Variants in NOL4 observed in about 807,000 individuals in gnomAD.
The protein encoded by NOL4 is nucleolar protein 4.
In NOL4, 17 loss-of-function variants were observed where a neutral mutation model predicts 75.9. That is an observed-to-expected ratio of 0.22 (90% CI 0.15 to 0.34). The LOEUF (loss-of-function observed/expected upper bound fraction) is 0.34, where lower values mean the gene tolerates loss of function less well. NOL4 is among the 10% of genes least tolerant of loss of function. NOL4 has a pLI of 1.00. For synonymous variants in NOL4, 292 were observed against 289.9 expected (o/e 1.01, Z -0.07); for missense variants, 614 against 793.5 (o/e 0.77, Z 2.72).
intron 7 of NOL4, 60 bp downstream of exon 7, chr18:33,958,179 C>T: frequency 7.1e-7 from 1 of 1,402,176 alleles, no homozygotes; most frequent in Non-Finnish European, 9.8e-7. Context: ...TACCAACAAG[C>T]AACAACATGA....
At chr18:33,983,605 CAT>C (rs969822580) in intron 6 of NOL4, among the ~76,000 whole-genome samples, 1 of 151,622 alleles carries the variant, frequency 6.6e-6, no homozygotes, top group African/African-American at 2.4e-5. Context: ...TGCATACACA[CAT>C]ATATGCACAC....
chr18:33,857,948 T>TG (rs1468619788), intron 10 of NOL4, among the ~76,000 whole-genome samples: 1 of 152,092 alleles, frequency 6.6e-6, no homozygotes, highest in African/African-American at 2.4e-5. Flanking sequence ...CACCTATAGG[T>TG]GTTCCACACT....
intron 6 of NOL4, among the ~76,000 whole-genome samples, chr18:33,988,524 T>C (rs1020593921): frequency 6.6e-6 from 1 of 152,058 alleles, no homozygotes; most frequent in African/African-American, 2.4e-5. Flanking sequence ...ATAGTTACTC[T>C]CCTCATGGGC....
intron 8 of NOL4, among the ~76,000 whole-genome samples, chr18:33,953,119 C>A (rs983496450): frequency 1.3e-5 from 2 of 151,498 alleles, no homozygotes; most frequent in Non-Finnish European, 2.9e-5. Flanking sequence ...GGGAAAGCCA[C>A]TTTAAAATCT....
At chr18:34,044,895 C>A (rs2144859887) in intron 5 of NOL4, among the ~76,000 whole-genome samples, 1 of 152,188 alleles carries the variant, frequency 6.6e-6, no homozygotes, top group Non-Finnish European at 1.5e-5. Flanking sequence ...AGTCATGGGC[C>A]AAGACTATAG....
chr18:33,892,489 CA>C (rs1395929840), intron 9 of NOL4, among the ~76,000 whole-genome samples: 1 of 151,868 alleles, frequency 6.6e-6, no homozygotes, highest in Non-Finnish European at 1.5e-5. Context: ...TATGAGTTCC[CA>C]AAGTTCTCAC....
intron 10 of NOL4, among the ~76,000 whole-genome samples, chr18:33,863,027 T>G: frequency 6.6e-6 from 1 of 152,136 alleles, no homozygotes; most frequent in Non-Finnish European, 1.5e-5. Flanking sequence ...AAGCCAAATG[T>G]CCAACCATGA....
At chr18:33,882,195 G>A (rs1467767359) in intron 10 of NOL4, among the ~76,000 whole-genome samples, 4 of 151,990 alleles carry the variant, frequency 2.6e-5, no homozygotes, top group East Asian at 1.9e-4. Context: ...AAAAGCCAAA[G>A]TTGACAAATG....
intron 8 of NOL4, among the ~76,000 whole-genome samples, chr18:33,952,924 CA>C (rs1261203545): frequency 2.0e-5 from 3 of 151,878 alleles, no homozygotes; most frequent in South Asian, 4.2e-4. Flanking sequence ...AACTCCGTCT[CA>C]AAAAAACAAA....
intron 1 of NOL4, among the ~76,000 whole-genome samples, chr18:34,161,695 T>A (rs1269502112): frequency 6.6e-6 from 1 of 152,162 alleles, no homozygotes; most frequent in Admixed American, 6.5e-5. Flanking sequence ...ATCAGATTAT[T>A]TCTTTTTATG....
intron 8 of NOL4, among the ~76,000 whole-genome samples, chr18:33,951,984 A>G (rs957645796): frequency 1.3e-5 from 2 of 152,140 alleles, no homozygotes; most frequent in African/African-American, 4.8e-5. Context: ...TACTTTTTCT[A>G]TCTTTCTAAG....
intron 6 of NOL4, among the ~76,000 whole-genome samples, chr18:33,997,184 T>A (rs1341673197): frequency 6.6e-6 from 1 of 151,964 alleles, no homozygotes; most frequent in African/African-American, 2.4e-5. Flanking sequence ...CAGAAGGGTA[T>A]TTCCTAGGTT....
Position 34,093,503 on chromosome 18 carries a change from C to A in NOL4, c.734G>T (p.Arg245Ile), listed in dbSNP as rs1312565654. 2 of 1,605,412 alleles carry A rather than the reference C, an allele frequency of 1.2e-6. No individual in the cohort carries two copies. The highest frequency in any genetic ancestry group is 1.7e-6 in the Non-Finnish European group (2 of 1,174,872). ...NSDLSSNLEE[R>I]MQSPQNLHGQ... ...ATGAAGATTCTGGGGACTTTGCATT[C>A]TTTCTTCAAGATTGGAGCTAAGATC... Residue 245 changes from arginine to isoleucine, a missense_variant, in exon 5 of 11, where the codon AGA becomes ATA. Transcript: ENST00000261592.
intron 6 of NOL4, among the ~76,000 whole-genome samples, chr18:33,978,525 G>A (rs2071686533): frequency 6.6e-6 from 1 of 152,012 alleles, no homozygotes; most frequent in Non-Finnish European, 1.5e-5. Flanking sequence ...AATTCCTTGA[G>A]GAATTATAAC....
intron 1 of NOL4, among the ~76,000 whole-genome samples, chr18:34,136,184 T>A (rs2080882727): frequency 6.6e-6 from 1 of 152,146 alleles, no homozygotes. Context: ...AGAAAGGAAT[T>A]TCCTCAACTT....
At chr18:34,050,664 AT>A (rs1431016172) in intron 5 of NOL4, among the ~76,000 whole-genome samples, 2 of 152,086 alleles carry the variant, frequency 1.3e-5, no homozygotes, top group Non-Finnish European at 2.9e-5. Flanking sequence ...TAGTTTTTAA[AT>A]TTTTCCTCAT....
rs375587075 is a variant in NOL4 at position 33,999,016 on chromosome 18, A to T, written c.1056+20302T>A. ...CAGTCCTTCAGAAAACTTAAAGTAGATTTTGTACAGTGGATTTTTGAGCTG... is the reference window on the plus strand; with the variant it reads ...CAGTCCTTCAGAAAACTTAAAGTAGTTTTTGTACAGTGGATTTTTGAGCTG... On this transcript the variant is annotated intron_variant, in intron 6 of 10. Transcript: ENST00000261592. Among the ~76,000 whole-genome samples the T allele has an allele frequency of 1.8e-4, 28 of 152,034 alleles. No homozygotes were observed. The East Asian group carries it at 2.1e-3, about 12-fold the overall frequency.
chr18:34,067,411 T>A (rs1301517168), intron 5 of NOL4, among the ~76,000 whole-genome samples: 1 of 152,132 alleles, frequency 6.6e-6, no homozygotes, highest in Non-Finnish European at 1.5e-5. Flanking sequence ...AAAAAAGCCA[T>A]GTGATCTGAC....
intron 1 of NOL4, among the ~76,000 whole-genome samples, chr18:34,195,409 A>G (rs1395850175): frequency 6.6e-6 from 1 of 152,160 alleles, no homozygotes; most frequent in Non-Finnish European, 1.5e-5. Flanking sequence ...TAATCTAAGG[A>G]TGACTCTCAA....
Sources: gnomAD v4.1 joint callset for allele counts (sites outside exome capture counted in the v4.1 genomes callset) on GRCh38, gnomAD v4.1.1 for gene constraint, MANE v1.5 for transcripts, NCBI Gene and HGNC (gene_info 2026-07-23, HGNC 2026-07-21) for gene names.